GPATCH1: variants seen among roughly 807,000 people sequenced by gnomAD.
The protein encoded by GPATCH1 is G patch domain-containing protein 1.
A neutral mutation model predicts 114.9 loss-of-function variants in GPATCH1; 73 were observed. The ratio of observed to expected loss-of-function variants is 0.64; its 90% CI spans 0.53 to 0.77. The LOEUF (loss-of-function observed/expected upper bound fraction) is 0.77. GPATCH1 is among the 30% of genes least tolerant of loss of function. The probability of loss-of-function intolerance (pLI) is 0.00; values close to 1 mark genes in which losing one functional copy is unlikely to be tolerated. For missense variants in GPATCH1, 1,058 were observed against 1,144.3 expected (o/e 0.92, Z 1.09); for synonymous variants, 391 against 428.4 (o/e 0.91, Z 1.08).
intron 2 of GPATCH1, among the ~76,000 whole-genome samples, chr19:33,089,845 C>T (rs542033680): frequency 6.6e-6 from 1 of 152,278 alleles, no homozygotes; most frequent in South Asian, 2.1e-4. Flanking sequence ...GTCTCGAACT[C>T]CTGACCTCAA....
At position 33,093,423 on chromosome 19, in the gene GPATCH1, C is replaced by T. The variant is rs1599852642; in HGVS notation, c.359C>T (p.Thr120Ile). The change falls in exon 4 of 20, where the codon ACC becomes ATC. Residue 120 changes from threonine to isoleucine, a missense_variant. Transcript: ENST00000170564. ...IVTTDDFASK[T>I]KDRIREKARQ... is the part of the protein sequence containing the mutation. ...ACCACAGACGATTTTGCCTCCAAAA[C>T]CAAAGACAGAATACGAGAAAAGGCT... 2.5e-6 allele frequency: 4 copies of T among 1,613,598 alleles called. No individual in the cohort carries two copies. In the East Asian group the frequency reaches 8.9e-5, roughly 36 times the overall value.
intron 3 of GPATCH1, among the ~76,000 whole-genome samples, chr19:33,092,748 G>T (rs1459012079): frequency 2.0e-5 from 3 of 152,202 alleles, no homozygotes; most frequent in African/African-American, 7.2e-5. Flanking sequence ...TCTCTTTCAC[G>T]CTGACCTTTG....
intron 5 of GPATCH1, among the ~76,000 whole-genome samples, chr19:33,094,979 C>T (rs1972639022): frequency 6.6e-6 from 1 of 152,076 alleles, no homozygotes; most frequent in South Asian, 2.1e-4. Context: ...GCCTGGGCAA[C>T]ACGGTGAAAC....
chr19:33,103,527 C>T (rs1258659626), intron 9 of GPATCH1, among the ~76,000 whole-genome samples: 1 of 151,950 alleles, frequency 6.6e-6, no homozygotes, highest in Admixed American at 6.6e-5. Context: ...ATGGCGAAAC[C>T]CCACCTCTAC....
chr19:33,121,980 A>G (rs1972989495), intron 17 of GPATCH1, among the ~76,000 whole-genome samples: 1 of 152,182 alleles, frequency 6.6e-6, no homozygotes, highest in Admixed American at 6.6e-5. Context: ...ATTGCAGTGA[A>G]TGTATTTCTT....
At position 33,117,904 on chromosome 19, in the gene GPATCH1, C is replaced by A. The variant is rs1429797314; in HGVS notation, c.2276C>A (p.Ala759Asp). ...PSMDLFRAIF[A>D]SSSDEKSSSS... ...ATGGACTTATTCAGGGCCATCTTTG[C>A]CAGTTCCTCAGATGAAAAGTCCTCA... The change falls in exon 16 of 20, where the codon GCC becomes GAC. Residue 759 changes from alanine to aspartate, a missense_variant. Coordinates refer to ENST00000170564, the MANE Select transcript of GPATCH1 (RefSeq NM_018025.3). The A allele has an allele frequency of 6.2e-7, 1 of 1,613,600 alleles. No homozygotes were observed. Among genetic ancestry groups the A allele is most frequent in the Admixed American group, 1.7e-5 (1 of 59,964 alleles).
rs1170966064 is a variant in GPATCH1, at chr19:33,109,844, C to T, written c.1413C>T (p.Ser471=). 1 of 1,613,978 alleles carries T rather than the reference C, an allele frequency of 6.2e-7. No homozygotes were observed. Among genetic ancestry groups the T allele is most frequent in the East Asian group, 2.2e-5 (1 of 44,892 alleles). The change falls in exon 11 of 20, where the codon AGC becomes AGT. Residue 471 remains serine (S), a synonymous_variant. Coordinates refer to ENST00000170564, the MANE Select transcript of GPATCH1 (RefSeq NM_018025.3). ...KARSLAQNAQ[S]SRAQLSPAAA... ...GGAGTCTGGCCCAGAACGCTCAGAGCAGCAGAGCCCAGCTCTCCCCTGCAG... is the reference window on the plus strand; with the variant it reads ...GGAGTCTGGCCCAGAACGCTCAGAGTAGCAGAGCCCAGCTCTCCCCTGCAG...
At position 33,118,992 on chromosome 19, in the gene GPATCH1, C is replaced by T. The variant is rs1447108109; in HGVS notation, c.2414-18C>T. 4.0e-6 allele frequency: 6 copies of T among 1,496,890 alleles called. No individual in the cohort carries two copies. The African/African-American group carries it at 5.5e-5, about 14-fold the overall frequency. 92.7% of individuals were successfully genotyped at this position (1,496,890 alleles called of 1,614,324 possible). A position where few individuals can be genotyped will look rare whatever the true frequency, so the allele number is the denominator to read the frequency against. On this transcript the variant is annotated intron_variant, in intron 16 of 19. Transcript: ENST00000170564. ...ACATGGGGCAGACGAATGACATGAA[C>T]ACCCCGCTGTTTTTCAGCTCTTGTG...
intron 1 of GPATCH1, among the ~76,000 whole-genome samples, chr19:33,087,524 C>T (rs1412532976): frequency 6.6e-6 from 1 of 151,934 alleles, no homozygotes; most frequent in Non-Finnish European, 1.5e-5. Context: ...GGAAAATAGG[C>T]AATACCAAAG....
At chr19:33,089,745 C>T (rs1320634557) in intron 2 of GPATCH1, among the ~76,000 whole-genome samples, 1 of 151,232 alleles carries the variant, frequency 6.6e-6, no homozygotes, top group Non-Finnish European at 1.5e-5. Flanking sequence ...CTCAGCCTCC[C>T]GAGTAGCTAG....
At chr19:33,100,584 C>T (rs974095436) in intron 8 of GPATCH1, among the ~76,000 whole-genome samples, 1 of 75,676 alleles carries the variant, frequency 1.3e-5, no homozygotes, top group African/African-American at 8.5e-5. Context: ...GAGACTCCAT[C>T]TCAAAAAAAA....
intron 5 of GPATCH1, 123 bp from the exon 6 acceptor site, chr19:33,095,639 C>T (rs1010775036): frequency 4.6e-5 from 33 of 718,294 alleles, no homozygotes; most frequent in Non-Finnish European, 6.8e-5. Context: ...TGGGCTCAAG[C>T]GATCCTCTCA....
At chr19:33,091,518 G>A (rs553756848) in intron 3 of GPATCH1, among the ~76,000 whole-genome samples, 1 of 151,530 alleles carries the variant, frequency 6.6e-6, no homozygotes, top group Admixed American at 6.6e-5. Flanking sequence ...CAGGCACACT[G>A]CAGTAAAGAA....
chr19:33,105,648 C>A (rs1972775488), intron 9 of GPATCH1, among the ~76,000 whole-genome samples: 1 of 151,542 alleles, frequency 6.6e-6, no homozygotes, highest in African/African-American at 2.4e-5. Flanking sequence ...CTCAGCCTTC[C>A]AAGTAGCTGG....
At position 33,096,242 on chromosome 19, in the gene GPATCH1, C is replaced by T; in HGVS notation, c.648C>T (p.Thr216=). ...ATGACTACTTGCCTGATAATGTGAC[C>T]TTTGCACCCAAAGATGTCACACCTG... ...EDDDYLPDNV[T]FAPKDVTPVD... The change falls in exon 7 of 20, where the codon ACC becomes ACT. Residue 216 remains threonine, a synonymous_variant. Transcript: ENST00000170564. The T allele has an allele frequency of 6.2e-7, 1 of 1,613,140 alleles. No individual in the cohort carries two copies. The highest frequency in any genetic ancestry group is 1.1e-5 in the South Asian group (1 of 91,070).
rs1480204050 is a variant in GPATCH1 at position 33,117,905 on chromosome 19, C to T, written c.2277C>T (p.Ala759=). 48 of 1,613,722 alleles carry T rather than the reference C, an allele frequency of 3.0e-5. No individual in the cohort carries two copies. The highest frequency in any genetic ancestry group is 4.1e-5 in the Non-Finnish European group (48 of 1,179,818). The change falls in exon 16 of 20, where the codon GCC becomes GCT. Residue 759 remains alanine, a synonymous_variant. Transcript: ENST00000170564. ...PSMDLFRAIF[A]SSSDEKSSSS... is the part of the protein sequence containing the mutation. ...TGGACTTATTCAGGGCCATCTTTGCCAGTTCCTCAGATGAAAAGTCCTCAT... is the reference window on the plus strand; with the variant it reads ...TGGACTTATTCAGGGCCATCTTTGCTAGTTCCTCAGATGAAAAGTCCTCAT...
chr19:33,085,772 C>T (rs1227246847), intron 1 of GPATCH1, among the ~76,000 whole-genome samples: 1 of 152,160 alleles, frequency 6.6e-6, no homozygotes, highest in African/African-American at 2.4e-5. Context: ...TAGGACATGG[C>T]CTGGCTAAAA....
intron 17 of GPATCH1, among the ~76,000 whole-genome samples, chr19:33,123,845 TTTTTTTTC>T (rs928845644): frequency 2.6e-5 from 4 of 152,018 alleles, no homozygotes; most frequent in Non-Finnish European, 4.4e-5. Context: ...AACTTTCCTT[TTTTTTTTC>T]TTTTTTTCTT....
At position 33,106,903 on chromosome 19, in the gene GPATCH1, T is replaced by A; in HGVS notation, c.1285+4T>A. On this transcript the variant is annotated splice_donor_region_variant and intron_variant, in intron 10 of 19. Coordinates refer to ENST00000170564, the MANE Select transcript of GPATCH1 (RefSeq NM_018025.3). Reference sequence around the variant, plus strand: ...CTTGGAGAGACGCCTATTCAAGGTATGTGCCATGGAGAAGACGGAAATCAT... The same window carrying A: ...CTTGGAGAGACGCCTATTCAAGGTAAGTGCCATGGAGAAGACGGAAATCAT... 5 of 1,603,526 alleles carry A rather than the reference T, an allele frequency of 3.1e-6. No individual in the cohort carries two copies. In the South Asian group the frequency reaches 5.5e-5, roughly 18 times the overall value.
Sources: allele counts gnomAD v4.1 joint callset (sites outside exome capture counted in the v4.1 genomes callset), GRCh38; gene constraint gnomAD v4.1.1; transcripts MANE v1.5; gene names NCBI Gene and HGNC (gene_info 2026-07-23, HGNC 2026-07-21).